Variants in RNGTT observed in about 807,000 individuals in gnomAD.
RNGTT encodes the protein RNA guanylyltransferase and 5'-phosphatase, also known as mRNA-capping enzyme.
Under a neutral mutation model 79.3 loss-of-function variants are expected in RNGTT, and 33 were observed. The ratio of observed to expected loss-of-function variants is 0.42; its 90% CI spans 0.32 to 0.56. The LOEUF is 0.56. RNGTT is among the 20% of genes least tolerant of loss of function. The pLI is 0.17. For missense variants in RNGTT, 497 were observed against 739.1 expected (o/e 0.67, Z 3.80); for synonymous variants, 222 against 235.9 (o/e 0.94, Z 0.54).
At chr6:88,876,149 AT>A (rs1279996321) in intron 8 of RNGTT, among the ~76,000 whole-genome samples, 1 of 152,180 alleles carries the variant, frequency 6.6e-6, no homozygotes, top group East Asian at 1.9e-4. Context: ...AGGGTGAACT[AT>A]TTTTTCTTGG....
At chr6:88,832,005 C>T (rs1780886305) in intron 11 of RNGTT, among the ~76,000 whole-genome samples, 1 of 152,112 alleles carries the variant, frequency 6.6e-6, no homozygotes, top group Admixed American at 6.5e-5. Flanking sequence ...GTGAAAATGG[C>T]CATATAGCCC....
intron 11 of RNGTT, among the ~76,000 whole-genome samples, chr6:88,828,912 T>C (rs6936500): frequency 0.038 from 5,720 of 152,152 alleles, 166 homozygotes; most frequent in African/African-American, 0.076. Context: ...CTATGTTTGA[T>C]TGGTGTACCT....
At position 88,744,808 on chromosome 6, in the gene RNGTT, C is replaced by A. The variant is rs186157909; in HGVS notation, c.1439+24966G>T. On this transcript the variant is annotated intron_variant, in intron 13 of 15. Coordinates refer to ENST00000369485, the MANE Select transcript of RNGTT (RefSeq NM_003800.5). ...TCTCAGGATTATAATCATCTGCTAT[C>A]ATGACAATTAAAATGAGATAAATTT... 3.3e-5 allele frequency among the ~76,000 whole-genome samples: 5 copies of A among 152,184 alleles called. No individual in the cohort carries two copies. In the East Asian group the frequency reaches 9.7e-4, roughly 29 times the overall value.
chr6:88,615,377 C>T (rs574050222), intron 14 of RNGTT, among the ~76,000 whole-genome samples: 2 of 152,282 alleles, frequency 1.3e-5, no homozygotes, highest in South Asian at 4.1e-4. Flanking sequence ...GATTAGGCAG[C>T]ACATGTCTTC....
chr6:88,824,646 T>A (rs180859997), intron 11 of RNGTT, among the ~76,000 whole-genome samples: 63 of 152,298 alleles, frequency 4.1e-4, no homozygotes, highest in Admixed American at 3.1e-3. Context: ...CATTTTCATC[T>A]TATAGAAAGT....
chr6:88,744,479 C>T (rs1582408834), intron 13 of RNGTT, among the ~76,000 whole-genome samples: 2 of 152,130 alleles, frequency 1.3e-5, no homozygotes, highest in Admixed American at 6.6e-5. Context: ...CCAAGATATT[C>T]TCGATCTCCT....
intron 13 of RNGTT, among the ~76,000 whole-genome samples, chr6:88,711,537 A>T (rs1439771336): frequency 6.6e-6 from 1 of 152,214 alleles, no homozygotes; most frequent in Non-Finnish European, 1.5e-5. Context: ...AATCTATATA[A>T]CAATTCCATG....
At chr6:88,754,839 C>T (rs1193854631) in intron 13 of RNGTT, among the ~76,000 whole-genome samples, 2 of 152,210 alleles carry the variant, frequency 1.3e-5, no homozygotes, top group Admixed American at 1.3e-4. Flanking sequence ...TATTTTGGCC[C>T]ATTCCTTTGT....
intron 13 of RNGTT, among the ~76,000 whole-genome samples, chr6:88,693,561 C>T (rs959931812): frequency 6.6e-6 from 1 of 152,088 alleles, no homozygotes; most frequent in Non-Finnish European, 1.5e-5. Context: ...TACCACCAAA[C>T]TCTTCCCAAA....
At chr6:88,660,251 C>T (rs1442817098) in intron 14 of RNGTT, among the ~76,000 whole-genome samples, 1 of 152,022 alleles carries the variant, frequency 6.6e-6, no homozygotes, top group Non-Finnish European at 1.5e-5. Context: ...AAACAAAAGC[C>T]CAAGGTATTC....
intron 4 of RNGTT, among the ~76,000 whole-genome samples, chr6:88,906,948 T>C (rs187034225): frequency 1.6e-4 from 25 of 152,280 alleles, no homozygotes; most frequent in Admixed American, 9.8e-4. Flanking sequence ...TAAATTCATA[T>C]GGGGCCTGAT....
At chr6:88,955,298 C>T (rs1163480527) in intron 1 of RNGTT, among the ~76,000 whole-genome samples, 1 of 152,070 alleles carries the variant, frequency 6.6e-6, no homozygotes, top group East Asian at 1.9e-4. Flanking sequence ...TGCCTGCAAT[C>T]CTAGCACTTT....
chr6:88,814,408 C>T (rs77453665), intron 11 of RNGTT, among the ~76,000 whole-genome samples: 3,054 of 152,272 alleles, frequency 0.02, 93 homozygotes, highest in African/African-American at 0.07. Context: ...TATTTGAATG[C>T]CCTTCACTGT....
At position 88,950,877 on chromosome 6, in the gene RNGTT, G is replaced by A. The variant is rs568355369; in HGVS notation, c.65-9697C>T. Among the ~76,000 whole-genome samples the A allele has an allele frequency of 9.9e-4, 112 of 113,686 alleles. 1 individual carries two copies. Among genetic ancestry groups the A allele is most frequent in the Non-Finnish European group, 7.2e-4 (40 of 55,464 alleles). The allele number at this position is 113,686 out of a possible 152,430, so 74.6% of individuals were successfully genotyped here. ...CTGTTTTTGGTTTTTTTTTTTTTTT[G>A]AGACAGGGTCTTACTCTGTCACTCA... On this transcript the variant is annotated intron_variant, in intron 1 of 15. Coordinates refer to ENST00000369485, the MANE Select transcript of RNGTT (RefSeq NM_003800.5).
At chr6:88,795,653 C>T (rs939328705) in intron 12 of RNGTT, among the ~76,000 whole-genome samples, 2 of 151,854 alleles carry the variant, frequency 1.3e-5, no homozygotes, top group Admixed American at 1.3e-4. Flanking sequence ...CTGCATGTTC[C>T]GCACATGAAT....
At chr6:88,790,372 A>G (rs1779367751) in intron 12 of RNGTT, among the ~76,000 whole-genome samples, 1 of 152,234 alleles carries the variant, frequency 6.6e-6, no homozygotes, top group South Asian at 2.1e-4. Flanking sequence ...TGCGGGCAAA[A>G]GGCAGGAGAT....
chr6:88,718,900 T>C (rs567704564), intron 13 of RNGTT, among the ~76,000 whole-genome samples: 5 of 152,320 alleles, frequency 3.3e-5, no homozygotes, highest in Non-Finnish European at 7.4e-5. Context: ...ATATATTTCT[T>C]TTAAAATATA....
chr6:88,845,839 C>T (rs1781465847), intron 10 of RNGTT, among the ~76,000 whole-genome samples: 1 of 152,090 alleles, frequency 6.6e-6, no homozygotes, highest in Admixed American at 6.6e-5. Context: ...TGGGGAAATG[C>T]TAGTAAATAA....
intron 14 of RNGTT, among the ~76,000 whole-genome samples, chr6:88,659,100 A>T (rs895586854): frequency 6.6e-6 from 1 of 152,192 alleles, no homozygotes; most frequent in Non-Finnish European, 1.5e-5. Flanking sequence ...ATACAGGGGG[A>T]GAGCAACACA....
Sources: allele counts gnomAD v4.1 joint callset (sites outside exome capture counted in the v4.1 genomes callset), GRCh38; gene constraint gnomAD v4.1.1; transcripts MANE v1.5; gene names NCBI Gene and HGNC (gene_info 2026-07-23, HGNC 2026-07-21).